Variants in SUGCT observed in about 807,000 individuals in gnomAD.
SUGCT encodes succinyl-CoA:glutarate CoA-transferase.
Under a neutral mutation model 55.0 loss-of-function variants are expected in SUGCT, and 41 were observed. That is an observed-to-expected ratio of 0.74 (90% CI 0.58 to 0.97). The LOEUF (loss-of-function observed/expected upper bound fraction) is 0.97. SUGCT is among the 50% of genes least tolerant of loss of function. The probability of loss-of-function intolerance (pLI) is 0.00; values close to 1 mark genes in which losing one functional copy is unlikely to be tolerated. For missense variants in SUGCT, 568 were observed against 547.8 expected (o/e 1.04, Z -0.37); for synonymous variants, 187 against 200.4 (o/e 0.93, Z 0.56).
chr7:40,617,509 G>GTGTGCA (rs1799064482), intron 12 of SUGCT, among the ~76,000 whole-genome samples: 1 of 149,800 alleles, frequency 6.7e-6, no homozygotes, highest in Non-Finnish European at 1.5e-5. Context: ...GTGTGTGTGT[G>GTGTGCA]TGTGCATGTT....
chr7:40,497,840 G>C (rs2074947569), intron 12 of SUGCT, among the ~76,000 whole-genome samples: 1 of 151,740 alleles, frequency 6.6e-6, no homozygotes, highest in South Asian at 2.1e-4. Context: ...CCAAAGCAAA[G>C]AGTTATTTTT....
chr7:40,325,792 A>G (rs992399026), intron 9 of SUGCT, among the ~76,000 whole-genome samples: 5 of 152,166 alleles, frequency 3.3e-5, no homozygotes, highest in African/African-American at 1.2e-4. Context: ...GGCGACGAGC[A>G]AAACTCCGTC....
At chr7:40,677,104 A>G (rs1368122933) in intron 12 of SUGCT, among the ~76,000 whole-genome samples, 1 of 152,162 alleles carries the variant, frequency 6.6e-6, no homozygotes, top group Non-Finnish European at 1.5e-5. Context: ...ATCATTGCAC[A>G]GCCTGCATCC....
chr7:40,684,248 T>G (rs1173426387), intron 12 of SUGCT: 1 of 1,387,278 alleles, frequency 7.2e-7, no homozygotes, highest in Non-Finnish European at 9.4e-7. Context: ...ACTTATTCAT[T>G]TACATCACAG....
At chr7:40,448,244 C>CCCTTCCTT (rs1405665874) in intron 9 of SUGCT, among the ~76,000 whole-genome samples, 6 of 138,060 alleles carry the variant, frequency 4.3e-5, no homozygotes, top group Admixed American at 1.5e-4. Flanking sequence ...CTCCCTCCCT[C>CCCTTCCTT]CCTTCCTTCC....
chr7:40,294,615 C>T (rs558866007), intron 8 of SUGCT, among the ~76,000 whole-genome samples: 5 of 152,168 alleles, frequency 3.3e-5, no homozygotes, highest in South Asian at 2.1e-4. Context: ...ATTGTGATCT[C>T]GGCTCACTGC....
chr7:40,521,667 TA>T (rs1219310999), intron 12 of SUGCT, among the ~76,000 whole-genome samples: 1 of 152,144 alleles, frequency 6.6e-6, no homozygotes, highest in Non-Finnish European at 1.5e-5. Flanking sequence ...TTTCTCATTT[TA>T]TTTTTTTTAG....
At chr7:40,398,395 C>T (rs1220046296) in intron 9 of SUGCT, among the ~76,000 whole-genome samples, 1 of 151,906 alleles carries the variant, frequency 6.6e-6, no homozygotes, top group Non-Finnish European at 1.5e-5. Context: ...CCTGGCCCCA[C>T]ATTCTCTATT....
At chr7:40,357,665 A>G (rs2151213161) in intron 9 of SUGCT, among the ~76,000 whole-genome samples, 1 of 152,294 alleles carries the variant, frequency 6.6e-6, no homozygotes, top group East Asian at 1.9e-4. Context: ...TGACATTTCA[A>G]TTGCATGTAA....
intron 12 of SUGCT, among the ~76,000 whole-genome samples, chr7:40,665,561 G>C (rs1177754673): frequency 6.6e-6 from 1 of 152,048 alleles, no homozygotes; most frequent in Non-Finnish European, 1.5e-5. Flanking sequence ...TAAGAAGAAG[G>C]CAGTTTTCAA....
intron 12 of SUGCT, among the ~76,000 whole-genome samples, chr7:40,743,017 G>A (rs1787547066): frequency 6.6e-6 from 1 of 152,160 alleles, no homozygotes; most frequent in Non-Finnish European, 1.5e-5. Flanking sequence ...TTTTCTTCAA[G>A]TTTAGTAGAT....
rs184977980 is a variant in SUGCT, at chr7:40,638,317, A to G, written c.1090-111117A>G. ...TGAGCAGATTCAAGCTTTTTGCTTT[A>G]ATAATATTACTCTTATTTGCATTCT... On this transcript the variant is annotated intron_variant, in intron 12 of 13. Transcript: ENST00000335693. Among the ~76,000 whole-genome samples, 217 of 152,270 alleles carry G rather than the reference A, an allele frequency of 1.4e-3. 1 individual carries two copies. The highest frequency in any genetic ancestry group is 9.3e-3 in the South Asian group (45 of 4,816).
intron 1 of SUGCT, among the ~76,000 whole-genome samples, chr7:40,138,391 C>A (rs555200481): frequency 1.3e-5 from 2 of 152,190 alleles, no homozygotes; most frequent in East Asian, 3.9e-4. Flanking sequence ...TTATTTAGTG[C>A]TCCATTGATG....
chr7:40,386,467 A>G (rs994948380), intron 9 of SUGCT, among the ~76,000 whole-genome samples: 1 of 152,144 alleles, frequency 6.6e-6, no homozygotes, highest in Non-Finnish European at 1.5e-5. Flanking sequence ...TTTTAGTTCA[A>G]ATTAGTTTGC....
chr7:40,962,467 G>T, the SUGCT span, among the ~76,000 whole-genome samples: 19 of 151,956 alleles, frequency 1.3e-4, no homozygotes, highest in Middle Eastern at 3.4e-3. Flanking sequence ...TGGACAGTTG[G>T]TATCTCAAGA....
chr7:40,918,508 T>A, the SUGCT span, among the ~76,000 whole-genome samples: 1 of 150,776 alleles, frequency 6.6e-6, no homozygotes, highest in Admixed American at 6.6e-5. Context: ...AATCTGTTAG[T>A]CTATTACAGC....
chr7:40,979,060 C>G, the SUGCT span, among the ~76,000 whole-genome samples: 1 of 152,090 alleles, frequency 6.6e-6, no homozygotes, highest in Non-Finnish European at 1.5e-5. Flanking sequence ...TGATGTACCC[C>G]CATATTCACA....
chr7:40,951,061 A>G, the SUGCT span, among the ~76,000 whole-genome samples: 2 of 152,182 alleles, frequency 1.3e-5, no homozygotes, highest in Non-Finnish European at 2.9e-5. Flanking sequence ...TACCTCTGGT[A>G]GAATTCAGCT....
At chr7:40,956,023 G>A in the SUGCT span, among the ~76,000 whole-genome samples, 27 of 152,068 alleles carry the variant, frequency 1.8e-4, no homozygotes, top group Admixed American at 5.9e-4. Flanking sequence ...TGCTGGATTC[G>A]GTTTGTCAAT....
Sources: gnomAD v4.1 joint callset for allele counts (sites outside exome capture counted in the v4.1 genomes callset) on GRCh38, gnomAD v4.1.1 for gene constraint, MANE v1.5 for transcripts, NCBI Gene and HGNC (gene_info 2026-07-23, HGNC 2026-07-21) for gene names.